Variants in ANO4 observed in about 807,000 individuals in gnomAD.
ANO4 encodes anoctamin 4.
A neutral mutation model predicts 141.9 loss-of-function variants in ANO4; 69 were observed. That is an observed-to-expected ratio of 0.49 (90% CI 0.40 to 0.59). ANO4 has a LOEUF of 0.59. Ranked by LOEUF, ANO4 falls within the 20% of genes least tolerant of loss-of-function variation. ANO4 has a pLI of 0.00. For synonymous variants in ANO4, 350 were observed against 394.3 expected (o/e 0.89, Z 1.33); for missense variants, 894 against 1,162.2 (o/e 0.77, Z 3.36).
At chr12:100,902,608 A>G (rs1300846705) in intron 2 of ANO4, among the ~76,000 whole-genome samples, 1 of 152,226 alleles carries the variant, frequency 6.6e-6, no homozygotes, top group Non-Finnish European at 1.5e-5. Context: ...GTAATGTCCT[A>G]GTGGATGACC....
At chr12:100,731,576 A>G (rs1208627005) in intron 1 of ANO4, among the ~76,000 whole-genome samples, 1 of 152,162 alleles carries the variant, frequency 6.6e-6, no homozygotes, top group African/African-American at 2.4e-5. Context: ...TTTAATAATG[A>G]CTTGTATCCA....
chr12:100,974,675 C>G, intron 6 of ANO4, 170 bp from the exon 7 acceptor site: 1 of 745,680 alleles, frequency 1.3e-6, no homozygotes, highest in Non-Finnish European at 2.4e-6. Context: ...GACTCAAAAA[C>G]GCATGCCCTG....
At chr12:100,857,194 A>G (rs1675611511) in intron 1 of ANO4, among the ~76,000 whole-genome samples, 1 of 152,116 alleles carries the variant, frequency 6.6e-6, no homozygotes, top group African/African-American at 2.4e-5. Flanking sequence ...TCCAGTTTTC[A>G]GTGGTTTCTC....
intron 6 of ANO4, among the ~76,000 whole-genome samples, chr12:100,974,138 G>T (rs866075581): frequency 1.3e-5 from 2 of 152,236 alleles, no homozygotes; most frequent in African/African-American, 2.4e-5. Context: ...ACTACACCAA[G>T]AATTTTCATT....
At chr12:100,906,758 A>G (rs1356109453) in intron 2 of ANO4, among the ~76,000 whole-genome samples, 1 of 152,208 alleles carries the variant, frequency 6.6e-6, no homozygotes, top group Non-Finnish European at 1.5e-5. Context: ...ACAACTTGAG[A>G]TTCAAGGCTG....
intron 3 of ANO4, among the ~76,000 whole-genome samples, chr12:100,930,140 A>G (rs1022899642): frequency 6.6e-6 from 1 of 151,974 alleles, no homozygotes; most frequent in Non-Finnish European, 1.5e-5. Context: ...TTGTCTCTTC[A>G]CTTTGTTGAT....
intron 16 of ANO4, among the ~76,000 whole-genome samples, chr12:101,085,121 T>C (rs567318457): frequency 6.6e-6 from 1 of 152,270 alleles, no homozygotes; most frequent in East Asian, 1.9e-4. Flanking sequence ...AAGCAGAAAA[T>C]AAATTATGTG....
chr12:100,812,016 A>ACACATG (rs1777817452), intron 1 of ANO4, among the ~76,000 whole-genome samples: 1 of 116,564 alleles, frequency 8.6e-6, no homozygotes, highest in Non-Finnish European at 1.7e-5. Context: ...ACTCACATAT[A>ACACATG]CACATGCACA....
At chr12:101,061,796 T>C (rs1262811277) in intron 14 of ANO4, among the ~76,000 whole-genome samples, 1 of 151,956 alleles carries the variant, frequency 6.6e-6, no homozygotes, top group Non-Finnish European at 1.5e-5. Context: ...TTTTTCAAGG[T>C]TCTTAGCTTC....
chr12:100,973,554 T>G (rs1449218669), intron 6 of ANO4, among the ~76,000 whole-genome samples: 2 of 152,308 alleles, frequency 1.3e-5, no homozygotes, highest in Non-Finnish European at 2.9e-5. Context: ...TAATAGACCT[T>G]ACTTTTTAGA....
At chr12:101,048,506 G>A in intron 14 of ANO4, 105 bp downstream of exon 14, 1 of 1,003,796 alleles carries the variant, frequency 1.0e-6, no homozygotes, top group Non-Finnish European at 1.5e-6. Context: ...TTGAGTAAAT[G>A]GAATTAGCTT....
At chr12:100,858,928 C>T (rs1259525963) in intron 1 of ANO4, 1 of 152,104 alleles carries the variant, frequency 6.6e-6, no homozygotes, top group Non-Finnish European at 1.5e-5. Flanking sequence ...GTGCCACGTA[C>T]TAGGTTTTCA....
At chr12:100,845,277 A>T (rs181494144) in intron 1 of ANO4, among the ~76,000 whole-genome samples, 7 of 152,252 alleles carry the variant, frequency 4.6e-5, no homozygotes, top group African/African-American at 1.4e-4. Flanking sequence ...CCTGGAGGGG[A>T]TATGAGTCAT....
At chr12:100,942,674 A>G (rs1291822013) in intron 5 of ANO4, 139 bp downstream of exon 5, 9 of 883,628 alleles carry the variant, frequency 1.0e-5, no homozygotes, top group Middle Eastern at 3.6e-4. Context: ...AGTTTGGGGA[A>G]TGTTCCAATA....
chr12:100,727,813 C>G (rs1036345774), intron 1 of ANO4, among the ~76,000 whole-genome samples: 2 of 152,120 alleles, frequency 1.3e-5, no homozygotes, highest in Non-Finnish European at 2.9e-5. Context: ...TTCCTCACCA[C>G]CCTACCCCAT....
At chr12:100,856,334 C>A (rs935190832) in intron 1 of ANO4, among the ~76,000 whole-genome samples, 1 of 152,154 alleles carries the variant, frequency 6.6e-6, no homozygotes, top group Non-Finnish European at 1.5e-5. Context: ...ACAATTTCTA[C>A]GGAAATTAAG....
chr12:100,795,386 G>T (rs1333322939), intron 1 of ANO4, among the ~76,000 whole-genome samples: 2 of 152,192 alleles, frequency 1.3e-5, no homozygotes, highest in Non-Finnish European at 2.9e-5. Context: ...TGTGCCAGGG[G>T]CACTCACTCA....
chr12:100,947,232 T>C (rs1361023804), intron 5 of ANO4, among the ~76,000 whole-genome samples: 1 of 152,252 alleles, frequency 6.6e-6, no homozygotes, highest in Admixed American at 6.5e-5. Context: ...ATACAAACTA[T>C]ATATTTGAGA....
intron 5 of ANO4, among the ~76,000 whole-genome samples, chr12:100,948,102 G>C (rs1437066278): frequency 7.5e-6 from 1 of 133,760 alleles, no homozygotes; most frequent in African/African-American, 2.9e-5. Flanking sequence ...GCTGAGCTGA[G>C]ATCATGCCAC....
Sources: allele counts gnomAD v4.1 joint callset (sites outside exome capture counted in the v4.1 genomes callset), GRCh38; gene constraint gnomAD v4.1.1; transcripts MANE v1.5; gene names NCBI Gene and HGNC (gene_info 2026-07-23, HGNC 2026-07-21).